The following ARNT variants were observed in gnomAD, a reference collection of about 807,000 sequenced individuals.
The protein encoded by ARNT is aryl hydrocarbon receptor nuclear translocator, also known as class E basic helix-loop-helix protein 2.
Under a neutral mutation model 105.0 loss-of-function variants are expected in ARNT, and 30 were observed. The ratio of observed to expected loss-of-function variants is 0.29; its 90% confidence interval spans 0.21 to 0.39. The LOEUF is 0.39. Among genes scored for constraint, ARNT ranks in the 10% least tolerant of loss-of-function variants. ARNT has a pLI of 1.00. For synonymous variants in ARNT, 304 were observed against 344.0 expected, an observed-to-expected ratio of 0.88 and a Z score of 1.29; for missense variants, 748 against 978.7, an observed-to-expected ratio of 0.76 and a Z score of 3.15.
intron 11 of ARNT, 67 bp downstream of exon 11, chr1:150,829,837 A>G: frequency 6.6e-7 from 1 of 1,505,556 alleles, no homozygotes; most frequent in East Asian, 2.3e-5. Context: ...AAGAAAATTA[A>G]CAGGAATGAG....
chr1:150,833,103 T>C (rs1352394279), intron 8 of ARNT, among the ~76,000 whole-genome samples: 1 of 152,196 alleles, frequency 6.6e-6, no homozygotes, highest in Admixed American at 6.5e-5. Context: ...CAAAGCACAA[T>C]GTAGTCATGT....
intron 3 of ARNT, among the ~76,000 whole-genome samples, chr1:150,849,164 T>C (rs1662831492): frequency 1.3e-5 from 2 of 151,892 alleles, no homozygotes; most frequent in Non-Finnish European, 2.9e-5. Flanking sequence ...GATCATACCA[T>C]TGCACTCCAG....
At chr1:150,840,945 C>CTTTTTTTTT (rs777444553) in intron 5 of ARNT, among the ~76,000 whole-genome samples, 18 of 103,714 alleles carry the variant, frequency 1.7e-4, no homozygotes, top group Non-Finnish European at 3.0e-4. Context: ...CTCTCTTCTT[C>CTTTTTTTTT]TTTTTTTTTT....
At chr1:150,870,002 A>G (rs1018792693) in intron 1 of ARNT, among the ~76,000 whole-genome samples, 10 of 152,200 alleles carry the variant, frequency 6.6e-5, no homozygotes, top group Admixed American at 5.9e-4. Context: ...CTCAAAAGAT[A>G]TCCATTGTAC....
At chr1:150,839,332 C>T in intron 6 of ARNT, 109 bp downstream of exon 6, 1 of 1,080,618 alleles carries the variant, frequency 9.3e-7, no homozygotes, top group Non-Finnish European at 1.4e-6. Context: ...AATTCGTTTT[C>T]CCATTGTCTG....
intron 14 of ARNT, 42 bp downstream of exon 14, chr1:150,823,152 C>G (rs779520103): frequency 1.4e-6 from 2 of 1,469,188 alleles, no homozygotes; most frequent in Admixed American, 2.0e-5. Flanking sequence ...GTTGTGAGAA[C>G]AGAGGAAAAA....
chr1:150,814,317 C>A, intron 19 of ARNT, 78 bp from the exon 20 acceptor site: 2 of 1,334,882 alleles, frequency 1.5e-6, no homozygotes, highest in East Asian at 2.3e-5. Flanking sequence ...TGAGAGTCAA[C>A]ACTGTCAATC....
chr1:150,823,448 T>A, intron 13 of ARNT, 103 bp from the exon 14 acceptor site: 1 of 1,089,688 alleles, frequency 9.2e-7, no homozygotes, highest in Non-Finnish European at 1.3e-6. Flanking sequence ...CTTGTCATTG[T>A]CCTTGAGGCA....
At position 150,811,866 on chromosome 1, in the gene ARNT, C is replaced by T. The variant is rs1045783601; in HGVS notation, c.*155G>A. The stretch of plus-strand genomic sequence containing the variant: ...TATAAATGTTACCTTAGAGAGGCAA[C>T]AGAGCAGGGGAACAGCCAGAAGGGA... On this transcript the variant is annotated 3_prime_UTR_variant, in exon 22 of 22. Transcript: ENST00000358595. 5 of 443,072 alleles carry T rather than the reference C, an allele frequency of 1.1e-5. No homozygotes were observed. The highest frequency in any genetic ancestry group is 1.6e-5 in the Non-Finnish European group (4 of 255,896). 27.4% of individuals were successfully genotyped at this position (443,072 alleles called of 1,614,324 possible). A position where few individuals can be genotyped will look rare whatever the true frequency, so the allele number is the denominator to read the frequency against.
chr1:150,856,617 G>A (rs1664664480), intron 2 of ARNT, among the ~76,000 whole-genome samples: 3 of 151,724 alleles, frequency 2.0e-5, no homozygotes, highest in African/African-American at 7.3e-5. Flanking sequence ...ACAAAAATTA[G>A]CTGGGCGTGG....
chr1:150,860,005 T>TA (rs35772624), intron 1 of ARNT, among the ~76,000 whole-genome samples: 207 of 133,906 alleles, frequency 1.5e-3, no homozygotes, highest in Middle Eastern at 3.7e-3. Flanking sequence ...AGATCCTGTC[T>TA]AAAAAAAAAA....
At chr1:150,855,877 C>A (rs1256649553) in intron 2 of ARNT, among the ~76,000 whole-genome samples, 1 of 152,056 alleles carries the variant, frequency 6.6e-6, no homozygotes, top group East Asian at 1.9e-4. Context: ...TGCACTCCAG[C>A]CTGGGCAACA....
intron 1 of ARNT, among the ~76,000 whole-genome samples, chr1:150,859,440 G>A (rs1399635171): frequency 1.1e-4 from 16 of 151,108 alleles, no homozygotes; most frequent in Admixed American, 9.2e-4. Context: ...TCAACCTCCC[G>A]GGCTCCAGTG....
Position 150,846,256 on chromosome 1 carries a change from A to T in ARNT, c.227+7T>A, listed in dbSNP as rs780073518. ...ATATTACAATATATTACCTACTACA[A>T]TATTACCTGGCAAACCGCTCCTTAT... On this transcript the variant is annotated splice_region_variant and intron_variant, in intron 4 of 21. Coordinates refer to ENST00000358595, the MANE Select transcript of ARNT (RefSeq NM_001668.4). 1.9e-6 allele frequency: 3 copies of T among 1,608,444 alleles called. No homozygotes were observed. The highest frequency in any genetic ancestry group is 1.7e-5 in the Admixed American group (1 of 59,994).
rs759741689 is a variant in ARNT at position 150,816,909 on chromosome 1, T to C, written c.1700-19A>G. ...CTCTGATCTGTGGACCAAAAGGAGT[T>C]GGGGAAGGGCCAGTCAAGGGGCTGT... is the stretch of plus-strand genomic sequence containing the variant. On this transcript the variant is annotated intron_variant, in intron 17 of 21. Coordinates refer to ENST00000358595, the MANE Select transcript of ARNT (RefSeq NM_001668.4). The C allele has an allele frequency of 6.2e-7, 1 of 1,606,302 alleles. No homozygotes were observed. Among genetic ancestry groups the C allele is most frequent in the Non-Finnish European group, 8.5e-7 (1 of 1,177,912 alleles).
chr1:150,829,067 G>A (rs1658842201), intron 12 of ARNT, 26 bp downstream of exon 12: 1 of 1,612,324 alleles, frequency 6.2e-7, no homozygotes, highest in African/African-American at 1.3e-5. Flanking sequence ...GGAAAATGGA[G>A]GCCTAATGGA....
chr1:150,828,000 G>T (rs1187720209), intron 12 of ARNT, among the ~76,000 whole-genome samples: 1 of 152,068 alleles, frequency 6.6e-6, no homozygotes, highest in African/African-American at 2.4e-5. Flanking sequence ...TTTTTTACCA[G>T]CTGTTTGTCT....
chr1:150,816,715 G>C, intron 18 of ARNT, 73 bp downstream of exon 18: 3 of 1,449,192 alleles, frequency 2.1e-6, no homozygotes, highest in Non-Finnish European at 2.8e-6. Flanking sequence ...GAAAGCAAGG[G>C]AAGAATAAAA....
In ARNT at chr1:150,823,350, A is replaced by AAAAGTTTTCATGCCATCAGTGGAACT; in HGVS notation, c.1243-31_1243-6dup. ...TTGGCCTTTTAATTTCACTACCTGA[A>AAAAGTTTTCATGCCATCAGTGGAACT]AAAGTTTTCATGCCATCAGTGGAAC... On this transcript the variant is annotated splice_polypyrimidine_tract_variant and splice_region_variant and intron_variant, in intron 13 of 21. Transcript: ENST00000358595. 1 of 1,587,874 alleles carries AAAAGTTTTCATGCCATCAGTGGAACT rather than the reference A, an allele frequency of 6.3e-7. No individual in the cohort carries two copies. The highest frequency in any genetic ancestry group is 8.6e-7 in the Non-Finnish European group (1 of 1,164,626).
Sources: allele counts gnomAD v4.1 joint callset (sites outside exome capture counted in the v4.1 genomes callset), GRCh38; gene constraint gnomAD v4.1.1; transcripts MANE v1.5; gene names NCBI Gene and HGNC (gene_info 2026-07-23, HGNC 2026-07-21).